SAE1: variants seen among roughly 807,000 people sequenced by gnomAD.
The protein encoded by SAE1 is SUMO1 activating enzyme subunit 1, also known as SUMO-activating enzyme subunit 1.
Under a neutral mutation model 40.6 loss-of-function variants are expected in SAE1, and 11 were observed. That is an observed-to-expected ratio of 0.27 (90% CI 0.17 to 0.45). The LOEUF (loss-of-function observed/expected upper bound fraction) is 0.45. Ranked by LOEUF, SAE1 falls within the 20% of genes least tolerant of loss-of-function variation. The pLI, the probability that SAE1 is intolerant of heterozygous loss-of-function variation, is 1.00. For synonymous variants in SAE1, 155 were observed against 154.3 expected, an observed-to-expected ratio of 1.00 and a Z score of -0.03; for missense variants, 373 against 427.3, an observed-to-expected ratio of 0.87 and a Z score of 1.12.
chr19:47,179,205 A>G (rs961902834), intron 6 of SAE1, among the ~76,000 whole-genome samples: 33 of 150,690 alleles, frequency 2.2e-4, no homozygotes, highest in Admixed American at 1.5e-3. Flanking sequence ...AAAAAAAAAA[A>G]AAAGAAAGAA....
intron 6 of SAE1, among the ~76,000 whole-genome samples, chr19:47,194,655 T>C (rs560485146): frequency 1.3e-5 from 2 of 152,066 alleles, no homozygotes; most frequent in South Asian, 4.1e-4. Flanking sequence ...TTGGGCAGTA[T>C]GTAGGGAACA....
intron 1 of SAE1, among the ~76,000 whole-genome samples, chr19:47,142,303 G>A (rs149168322): frequency 1.3e-5 from 2 of 151,604 alleles, no homozygotes; most frequent in African/African-American, 4.8e-5. Context: ...AGAATTGCTT[G>A]GACCTGGGAG....
intron 6 of SAE1, among the ~76,000 whole-genome samples, chr19:47,196,594 C>T (rs2058617785): frequency 6.6e-6 from 1 of 151,072 alleles, no homozygotes; most frequent in African/African-American, 2.4e-5. Context: ...GAACTCCTGA[C>T]CTTGTGATCC....
intron 1 of SAE1, among the ~76,000 whole-genome samples, chr19:47,139,396 G>C (rs978911285): frequency 6.6e-6 from 1 of 151,856 alleles, no homozygotes; most frequent in Non-Finnish European, 1.5e-5. Flanking sequence ...TTGTTGCCCA[G>C]GCTGGTTTCG....
intron 7 of SAE1, among the ~76,000 whole-genome samples, chr19:47,198,500 C>CAG (rs2058631196): frequency 6.6e-6 from 1 of 152,144 alleles, no homozygotes; most frequent in African/African-American, 2.4e-5. Context: ...CTCGGCTTTG[C>CAG]AGTGCCTCCA....
At chr19:47,178,058 T>G (rs2058481855) in intron 6 of SAE1, among the ~76,000 whole-genome samples, 1 of 151,898 alleles carries the variant, frequency 6.6e-6, no homozygotes, top group Non-Finnish European at 1.5e-5. Context: ...CTGGCCAACA[T>G]AGTGAAACCC....
chr19:47,142,645 A>G (rs1306708786), intron 1 of SAE1: 1 of 152,026 alleles, frequency 6.6e-6, no homozygotes, highest in Non-Finnish European at 1.5e-5. Context: ...CCTTGTTCCA[A>G]CTTTTCAGCC....
intron 6 of SAE1, among the ~76,000 whole-genome samples, chr19:47,189,998 CCA>C (rs1275442113): frequency 1.3e-5 from 2 of 152,110 alleles, no homozygotes; most frequent in Non-Finnish European, 2.9e-5. Flanking sequence ...ATTCACATAT[CCA>C]CAGTTTTTTC....
intron 6 of SAE1, among the ~76,000 whole-genome samples, chr19:47,193,923 A>G (rs1418612232): frequency 6.6e-6 from 1 of 152,130 alleles, no homozygotes; most frequent in Admixed American, 6.5e-5. Flanking sequence ...AAGTTACCAG[A>G]GAAATACAGG....
chr19:47,167,179 C>G (rs1455353108), intron 5 of SAE1, among the ~76,000 whole-genome samples: 2 of 151,926 alleles, frequency 1.3e-5, no homozygotes, highest in Non-Finnish European at 2.9e-5. Flanking sequence ...GTCTCCAATT[C>G]CTGACCTCTA....
intron 1 of SAE1, among the ~76,000 whole-genome samples, chr19:47,136,396 C>G (rs913963738): frequency 1.3e-5 from 2 of 152,090 alleles, no homozygotes; most frequent in African/African-American, 4.8e-5. Context: ...CCTTGGCCCC[C>G]CAAAGTGTTG....
chr19:47,157,505 GGAGAGAGT>G (rs1653109974), intron 5 of SAE1, among the ~76,000 whole-genome samples: 1 of 152,200 alleles, frequency 6.6e-6, no homozygotes, highest in South Asian at 2.1e-4. Flanking sequence ...ACATTCAAAT[GGAGAGAGT>G]GCCTAGCTTT....
At chr19:47,176,958 A>G (rs2058472605) in intron 6 of SAE1, among the ~76,000 whole-genome samples, 1 of 152,204 alleles carries the variant, frequency 6.6e-6, no homozygotes, top group South Asian at 2.1e-4. Flanking sequence ...CAGGAGTGCT[A>G]AAAATACCGA....
Position 47,161,551 on chromosome 19 carries a change from C to A in SAE1, c.627+6338C>A, listed in dbSNP as rs2058359857. The stretch of plus-strand genomic sequence containing the variant: ...AAAAGACACCTGGAAGGGGCAGATA[C>A]AGCCCTGCTTGACTTCCTGTTTTAT... On this transcript the variant is annotated intron_variant, in intron 5 of 8. Coordinates refer to ENST00000270225, the MANE Select transcript of SAE1 (RefSeq NM_005500.3). Among the ~76,000 whole-genome samples, 6 of 152,300 alleles carry A rather than the reference C, an allele frequency of 3.9e-5. No individual in the cohort carries two copies. In the South Asian group the frequency reaches 1.2e-3, roughly 32 times the overall value.
chr19:47,136,963 T>G (rs965519621), intron 1 of SAE1, among the ~76,000 whole-genome samples: 7 of 152,148 alleles, frequency 4.6e-5, no homozygotes, highest in African/African-American at 1.2e-4. Flanking sequence ...AGTTCCTTTA[T>G]GAAACAGAAG....
chr19:47,150,010 G>A (rs146613550), intron 2 of SAE1, among the ~76,000 whole-genome samples, 192 bp from the exon 3 acceptor site: 296 of 150,844 alleles, frequency 2.0e-3, no homozygotes, highest in African/African-American at 6.9e-3. Flanking sequence ...CCCAGGAGGC[G>A]GAGGTTGCAA....
intron 6 of SAE1, among the ~76,000 whole-genome samples, chr19:47,175,595 A>G (rs1286810644): frequency 6.6e-6 from 1 of 152,104 alleles, no homozygotes; most frequent in Non-Finnish European, 1.5e-5. Flanking sequence ...AAAATTAGCC[A>G]GGCATGGTGG....
At chr19:47,147,151 T>C (rs186494283) in intron 2 of SAE1, among the ~76,000 whole-genome samples, 1 of 147,560 alleles carries the variant, frequency 6.8e-6, no homozygotes, top group East Asian at 2.0e-4. Flanking sequence ...GCAAGGAAGG[T>C]GTGATCTGTG....
intron 6 of SAE1, among the ~76,000 whole-genome samples, chr19:47,176,968 A>C (rs1436818540): frequency 2.6e-5 from 4 of 152,228 alleles, no homozygotes; most frequent in Non-Finnish European, 4.4e-5. Flanking sequence ...AAAAATACCG[A>C]GTCTGGTATG....
Sources: gnomAD v4.1 joint callset for allele counts (sites outside exome capture counted in the v4.1 genomes callset) on GRCh38, gnomAD v4.1.1 for gene constraint, MANE v1.5 for transcripts, NCBI Gene and HGNC (gene_info 2026-07-23, HGNC 2026-07-21) for gene names.